The following MYO5A variants were observed in gnomAD, a reference collection of about 807,000 sequenced individuals.
MYO5A encodes the protein myosin VA, also known as unconventional myosin-Va.
Under a neutral mutation model 249.7 loss-of-function variants are expected in MYO5A, and 98 were observed. The observed-to-expected ratio is 0.39, with a 90% CI of 0.33 to 0.46. MYO5A has a LOEUF of 0.46. MYO5A is among the 20% of genes least tolerant of loss of function. MYO5A has a pLI of 0.98. For missense variants in MYO5A, 1,696 were observed against 2,308.8 expected (o/e 0.73, Z 5.44); for synonymous variants, 778 against 810.6 (o/e 0.96, Z 0.68).
intron 1 of MYO5A, among the ~76,000 whole-genome samples, chr15:52,483,874 C>A (rs1209343625): frequency 6.6e-6 from 1 of 152,212 alleles, no homozygotes; most frequent in African/African-American, 2.4e-5. Flanking sequence ...GCTAATGTCA[C>A]ACTGTGGAAA....
chr15:52,319,018 G>A (rs773185153), intron 39 of MYO5A, 42 bp downstream of exon 39: 1 of 1,609,560 alleles, frequency 6.2e-7, no homozygotes, highest in Non-Finnish European at 8.5e-7. Flanking sequence ...AGGCCAGCTG[G>A]GCAGCAAAAA....
chr15:52,525,492 C>T (rs2077714810), intron 1 of MYO5A, among the ~76,000 whole-genome samples: 1 of 152,216 alleles, frequency 6.6e-6, no homozygotes, highest in African/African-American at 2.4e-5. Context: ...ATTGAACAGT[C>T]TCTTGTCCTT....
chr15:52,471,567 C>T (rs1595745006), intron 1 of MYO5A, among the ~76,000 whole-genome samples: 1 of 144,744 alleles, frequency 6.9e-6, no homozygotes, highest in East Asian at 2.0e-4. Context: ...CCAGCCTGGG[C>T]AACACAGCCA....
chr15:52,319,710 G>A (rs887751368), intron 38 of MYO5A, among the ~76,000 whole-genome samples: 1 of 152,160 alleles, frequency 6.6e-6, no homozygotes, highest in African/African-American at 2.4e-5. Flanking sequence ...CAGGCTGGGT[G>A]ACAGAGAGAG....
intron 1 of MYO5A, among the ~76,000 whole-genome samples, chr15:52,527,756 A>C (rs748866892): frequency 2.0e-5 from 3 of 152,190 alleles, no homozygotes; most frequent in Non-Finnish European, 4.4e-5. Context: ...ACACACTGCA[A>C]CTTGGGCCCT....
chr15:52,505,858 A>T (rs2077258412), intron 1 of MYO5A: 1 of 1,577,380 alleles, frequency 6.3e-7, no homozygotes, highest in Non-Finnish European at 8.5e-7. Context: ...TTTCAACAAG[A>T]TCTAAAATCC....
At chr15:52,316,233 C>CAAAAAAAAAAAAAA (rs5812596) in intron 40 of MYO5A, among the ~76,000 whole-genome samples, 2 of 60,348 alleles carry the variant, frequency 3.3e-5, no homozygotes, top group Non-Finnish European at 5.7e-5. Flanking sequence ...GACTCCGTCA[C>CAAAAAAAAAAAAAA]AAAAAAAAAA....
rs1208840801 is a variant in MYO5A at position 52,330,213 on chromosome 15, C to G, written c.4555+140G>C. 3.5e-6 allele frequency: 4 copies of G among 1,154,354 alleles called. No individual in the cohort carries two copies. The East Asian group carries it at 9.4e-5, about 27-fold the overall frequency. The allele number at this position is 1,154,354 out of a possible 1,614,324, so 71.5% of individuals were successfully genotyped here. ...GAAAGTGCTTGGTGTGGTCAGAACACTACTGCAGCACTAGAATACATGGTA... is the reference window on the plus strand; with the variant it reads ...GAAAGTGCTTGGTGTGGTCAGAACAGTACTGCAGCACTAGAATACATGGTA... On this transcript the variant is annotated intron_variant, in intron 35 of 41. Coordinates refer to ENST00000399233, the MANE Select transcript of MYO5A (RefSeq NM_001382347.1).
At chr15:52,455,097 C>T (rs1177207833) in intron 1 of MYO5A, among the ~76,000 whole-genome samples, 1 of 151,244 alleles carries the variant, frequency 6.6e-6, no homozygotes, top group Admixed American at 6.6e-5. Context: ...AGAGAGAAGA[C>T]CCAAATAAAT....
At chr15:52,521,227 CAAAA>C (rs10533876) in intron 1 of MYO5A, among the ~76,000 whole-genome samples, 7,401 of 137,846 alleles carry the variant, frequency 0.054, 250 homozygotes, top group South Asian at 0.14. Context: ...GACTCTGTCT[CAAAA>C]AAAAAAAAAA....
At chr15:52,327,822 T>C (rs369997136) in intron 36 of MYO5A, 30 bp downstream of exon 36, 19 of 1,591,664 alleles carry the variant, frequency 1.2e-5, no homozygotes, top group African/African-American at 5.4e-5. Flanking sequence ...TAACAATTCA[T>C]GATGAGAATT....
At chr15:52,427,506 C>T (rs1289989313) in intron 3 of MYO5A, among the ~76,000 whole-genome samples, 2 of 151,612 alleles carry the variant, frequency 1.3e-5, no homozygotes, top group Admixed American at 6.6e-5. Flanking sequence ...GAAGGTAACA[C>T]ATGTGCAAGG....
intron 1 of MYO5A, among the ~76,000 whole-genome samples, chr15:52,452,602 C>T (rs149852077): frequency 6.6e-6 from 1 of 152,078 alleles, no homozygotes; most frequent in East Asian, 1.9e-4. Context: ...TCCATAATTC[C>T]CCTGTGCCCA....
At chr15:52,404,994 C>G (rs1350987754) in intron 9 of MYO5A, among the ~76,000 whole-genome samples, 1 of 151,582 alleles carries the variant, frequency 6.6e-6, no homozygotes, top group Non-Finnish European at 1.5e-5. Context: ...GGGGCCACAT[C>G]TGCGTTATAG....
intron 34 of MYO5A, among the ~76,000 whole-genome samples, chr15:52,335,516 CAAAAAAAAAAAAA>C (rs397854139): frequency 7.8e-5 from 5 of 64,050 alleles, no homozygotes; most frequent in South Asian, 6.1e-4. Flanking sequence ...ACTCTGTCTC[CAAAAAAAAAAAAA>C]AAAAAAAAAA....
chr15:52,370,948 C>CA (rs11349501), intron 21 of MYO5A, among the ~76,000 whole-genome samples: 3 of 151,538 alleles, frequency 2.0e-5, no homozygotes, highest in Non-Finnish European at 4.4e-5. Flanking sequence ...CCCGTCTTTA[C>CA]AAAAAAATTT....
At chr15:52,416,741 G>A (rs1450237643) in intron 4 of MYO5A, among the ~76,000 whole-genome samples, 1 of 152,136 alleles carries the variant, frequency 6.6e-6, no homozygotes, top group Non-Finnish European at 1.5e-5. Context: ...GAAAAAACAT[G>A]TTTTATGACT....
chr15:52,476,553 A>G (rs1392357220), intron 1 of MYO5A, among the ~76,000 whole-genome samples: 1 of 151,496 alleles, frequency 6.6e-6, no homozygotes, highest in African/African-American at 2.4e-5. Flanking sequence ...TCCATGTTTA[A>G]TGCTTCCTTC....
At chr15:52,412,950 C>G (rs1389026316) in intron 5 of MYO5A, among the ~76,000 whole-genome samples, 1 of 151,916 alleles carries the variant, frequency 6.6e-6, no homozygotes, top group South Asian at 2.1e-4. Flanking sequence ...GAGTTCAAGA[C>G]CAGCCTGACC....
Sources: allele counts gnomAD v4.1 joint callset (sites outside exome capture counted in the v4.1 genomes callset), GRCh38; gene constraint gnomAD v4.1.1; transcripts MANE v1.5; gene names NCBI Gene and HGNC (gene_info 2026-07-23, HGNC 2026-07-21).